Variants in ZNF362 observed in about 807,000 individuals in gnomAD.
The protein encoded by ZNF362 is zinc finger protein 362, also known as rotund homolog.
ZNF362 carries 11 observed loss-of-function variants against 42.9 expected under a neutral mutation model. The observed-to-expected ratio is 0.26, with a 90% CI of 0.16 to 0.42. The LOEUF is 0.42. ZNF362 is among the 20% of genes least tolerant of loss of function. The pLI is 1.00. For missense variants in ZNF362, 362 were observed against 576.2 expected (o/e 0.63, Z 3.81); for synonymous variants, 255 against 257.3 (o/e 0.99, Z 0.09).
the ZNF362 span, among the ~76,000 whole-genome samples, chr1:33,140,695 C>T: frequency 1.3e-5 from 2 of 152,208 alleles, no homozygotes; most frequent in Non-Finnish European, 2.9e-5. This position sits in a 1 kb window ranked among gnomAD's most constrained non-coding sequence, Gnocchi z 4.0. Context: ...GGGCTTTGTC[C>T]TTGCTGTGGC....
At chr1:33,232,557 G>T in the ZNF362 span, among the ~76,000 whole-genome samples, 1 of 152,130 alleles carries the variant, frequency 6.6e-6, no homozygotes, top group Non-Finnish European at 1.5e-5. Context: ...CACCGCGCCC[G>T]GCCAGAAATG....
chr1:33,237,988 C>A, the ZNF362 span, among the ~76,000 whole-genome samples: 1 of 152,132 alleles, frequency 6.6e-6, no homozygotes, highest in South Asian at 2.1e-4. Context: ...TCCTTCTCTC[C>A]CAAAGCTGAA....
chr1:33,201,829 G>A, the ZNF362 span, among the ~76,000 whole-genome samples: 2 of 152,188 alleles, frequency 1.3e-5, no homozygotes, highest in African/African-American at 4.8e-5. Context: ...ACAAAAGCTG[G>A]TTCATAGAGC....
the ZNF362 span, among the ~76,000 whole-genome samples, chr1:33,238,909 G>C: frequency 6.6e-5 from 10 of 152,130 alleles, no homozygotes; most frequent in South Asian, 2.1e-4. Context: ...CAGGTGCCTC[G>C]ATCCTGGACT....
the ZNF362 span, among the ~76,000 whole-genome samples, chr1:33,234,281 A>T: frequency 6.6e-6 from 1 of 152,282 alleles, no homozygotes; most frequent in Middle Eastern, 3.4e-3. Context: ...AAATGAGTAA[A>T]CTAACACCTG....
At chr1:33,196,624 C>A in the ZNF362 span, among the ~76,000 whole-genome samples, 2 of 151,908 alleles carry the variant, frequency 1.3e-5, no homozygotes, top group Admixed American at 6.6e-5. Flanking sequence ...ACTTTTTTTT[C>A]TTTTAATAAG....
chr1:33,270,445 A>ATTATTATTG, intron 1 of ZNF362, 42 bp from the exon 2 acceptor site: 1 of 621,858 alleles, frequency 1.6e-6, no homozygotes, highest in South Asian at 2.1e-5. Flanking sequence ...CTTTACTATT[A>ATTATTATTG]TTATTATTGT....
chr1:33,189,664 T>TATATATACAC, the ZNF362 span, among the ~76,000 whole-genome samples: 196 of 19,804 alleles, frequency 9.9e-3, 7 homozygotes, highest in South Asian at 0.024. Flanking sequence ...TATATATATA[T>TATATATACAC]ATATATATGT....
intron 2 of ZNF362, 64 bp downstream of exon 2, chr1:33,270,676 G>A: frequency 1.9e-6 from 3 of 1,591,370 alleles, no homozygotes; most frequent in Non-Finnish European, 2.6e-6. Context: ...GGGGATTAAA[G>A]CATTGTGTTC....
chr1:33,286,268 A>G (rs1646031780), intron 6 of ZNF362, among the ~76,000 whole-genome samples: 1 of 152,176 alleles, frequency 6.6e-6, no homozygotes, highest in South Asian at 2.1e-4. Flanking sequence ...AGGCGACAGC[A>G]CAAAGTTGAC....
the ZNF362 span, among the ~76,000 whole-genome samples, chr1:33,236,454 G>A: frequency 6.9e-6 from 1 of 145,224 alleles, no homozygotes; most frequent in Non-Finnish European, 1.5e-5. Context: ...AGAGGCTGAG[G>A]CAGGAGACTT....
At chr1:33,152,930 C>A in the ZNF362 span, among the ~76,000 whole-genome samples, 1 of 151,794 alleles carries the variant, frequency 6.6e-6, no homozygotes, top group Admixed American at 6.6e-5. Context: ...GGCTGCCTGG[C>A]CTGGCTGAGG....
chr1:33,185,614 G>T, the ZNF362 span, among the ~76,000 whole-genome samples: 1 of 152,162 alleles, frequency 6.6e-6, no homozygotes, highest in Non-Finnish European at 1.5e-5. Flanking sequence ...CCATTAAGAT[G>T]CAGAACACTA....
At chr1:33,146,806 A>G in the ZNF362 span, 49 of 289,518 alleles carry the variant, frequency 1.7e-4, 1 homozygote, top group South Asian at 1.7e-3. Context: ...CGGGCTGCCA[A>G]CTACTGGCCA....
At chr1:33,135,560 T>C in the ZNF362 span, among the ~76,000 whole-genome samples, 1 of 152,208 alleles carries the variant, frequency 6.6e-6, no homozygotes, top group Non-Finnish European at 1.5e-5. Context: ...CCACAGCCCA[T>C]TGCTTTGCCC....
Position 33,300,158 on chromosome 1 carries a change from A to C in ZNF362, c.*1112A>C, listed in dbSNP as rs1044052833. ...CCCCCTACATCCCCCCGGGAAAAAA[A>C]AGAAAACTAGACAGAAACTCATCTA... is the stretch of plus-strand genomic sequence containing the variant. On this transcript the variant is annotated 3_prime_UTR_variant, in exon 9 of 9. Transcript: ENST00000539719. 1 of 152,648 alleles carries C rather than the reference A, an allele frequency of 6.6e-6. No homozygotes were observed. Among genetic ancestry groups the C allele is most frequent in the African/African-American group, 2.4e-5 (1 of 41,426 alleles). 9.5% of individuals were successfully genotyped at this position (152,648 alleles called of 1,614,324 possible).
chr1:33,270,512 G>A lies in ZNF362; in HGVS notation c.-63G>A. 1 of 941,952 alleles carries A rather than the reference G, an allele frequency of 1.1e-6. No homozygotes were observed. Among genetic ancestry groups the A allele is most frequent in the Non-Finnish European group, 1.7e-6 (1 of 578,178 alleles). 58.3% of individuals were successfully genotyped at this position (941,952 alleles called of 1,614,324 possible). A position where few individuals can be genotyped will look rare whatever the true frequency, so the allele number is the denominator to read the frequency against. ...GTGCTGTTGGGAACACAGAGGAAGT[G>A]ACTGGCTGGGGGTTCAGGGAAAGCT... On this transcript the variant is annotated 5_prime_UTR_variant, in exon 2 of 9. Coordinates refer to ENST00000539719, the MANE Select transcript of ZNF362 (RefSeq NM_152493.3).
chr1:33,255,352 G>T (rs543634153), upstream of ZNF362, among the ~76,000 whole-genome samples: 1 of 152,350 alleles, frequency 6.6e-6, no homozygotes, highest in Non-Finnish European at 1.5e-5. Context: ...GCAGATGATT[G>T]TTTATCTCTG....
At chr1:33,287,852 A>AT (rs1397727026) in intron 6 of ZNF362, among the ~76,000 whole-genome samples, 1 of 152,246 alleles carries the variant, frequency 6.6e-6, no homozygotes, top group African/African-American at 2.4e-5. Context: ...TTATTTCTTC[A>AT]TAAGAGATAA....
Sources: allele counts gnomAD v4.1 joint callset (sites outside exome capture counted in the v4.1 genomes callset), GRCh38; gene constraint gnomAD v4.1.1; non-coding constraint Gnocchi (gnomAD v3.1); transcripts MANE v1.5; gene names NCBI Gene and HGNC (gene_info 2026-07-23, HGNC 2026-07-21).